The following CLCNKA variants were observed in gnomAD, a reference collection of about 807,000 sequenced individuals.
CLCNKA encodes the protein chloride voltage-gated channel Ka, also known as chloride channel protein ClC-Ka.
In CLCNKA, 66 loss-of-function variants were observed where a neutral mutation model predicts 83.3. The observed-to-expected ratio is 0.79, with a 90% confidence interval of 0.65 to 0.97. The LOEUF is 0.97. Among genes scored for constraint, CLCNKA ranks in the 50% least tolerant of loss-of-function variants. CLCNKA has a pLI of 0.00. For missense variants in CLCNKA, 806 were observed against 888.7 expected (o/e 0.91, Z 1.18); for synonymous variants, 357 against 370.4 (o/e 0.96, Z 0.42).
rs1442785412 is a variant in CLCNKA at position 16,033,190 on chromosome 1, G to A, written c.1950G>A (p.Leu650=). The A allele has an allele frequency of 6.2e-7, 1 of 1,614,176 alleles. No homozygotes were observed. The change falls in exon 19 of 20, where the codon CTG becomes CTA. Residue 650 remains leucine (L), a synonymous_variant. Transcript: ENST00000331433. ...TLHQAQNLFK[L]LNLQSLFVTS... ...TCCAGGCACAAAACCTCTTTAAGCT[G>A]TTGAACCTTCAGTCCCTCTTCGTGA...
chr1:16,023,712 C>A, intron 2 of CLCNKA, 88 bp from the exon 3 acceptor site: 1 of 1,542,398 alleles, frequency 6.5e-7, no homozygotes, highest in Non-Finnish European at 8.9e-7. Flanking sequence ...CAGGGTCCTC[C>A]CTGCCTGGAG....
chr1:16,022,936 G>C (rs1238612079), intron 2 of CLCNKA, among the ~76,000 whole-genome samples: 1 of 152,262 alleles, frequency 6.6e-6, no homozygotes, highest in Non-Finnish European at 1.5e-5. Context: ...CCTTTCAGGA[G>C]ATACAGCCCA....
rs753713670 is a variant in CLCNKA, at chr1:16,033,212, G to A, written c.1972G>A (p.Val658Met). The A allele has an allele frequency of 6.2e-6, 10 of 1,614,138 alleles. No homozygotes were observed. The highest frequency in any genetic ancestry group is 1.7e-5 in the Admixed American group (1 of 60,020). ...FKLLNLQSLF[V>M]TSRGRAVGCV... Reference sequence around the variant, plus strand: ...GCTGTTGAACCTTCAGTCCCTCTTCGTGACATCGCGGGGCAGAGCTGTGGG... The same window carrying A: ...GCTGTTGAACCTTCAGTCCCTCTTCATGACATCGCGGGGCAGAGCTGTGGG... Residue 658 changes from valine to methionine, a missense_variant, in exon 19 of 20, where the codon GTG becomes ATG. By Grantham distance (21) the Val-to-Met change is conservative. Transcript: ENST00000331433.
In CLCNKA at chr1:16,028,760, G is replaced by A; in HGVS notation, c.969-1G>A. ...CCCTAGAGCTCACCCACCCCCCACA[G>A]CAAGCCTGTGTACTCCGCTCTGGCC... is the stretch of plus-strand genomic sequence containing the variant. On this transcript the variant is annotated splice_acceptor_variant, in intron 10 of 19. Coordinates refer to ENST00000331433, the MANE Select transcript of CLCNKA (RefSeq NM_004070.4). LOFTEE classifies it high-confidence loss of function. 3.1e-6 allele frequency: 5 copies of A among 1,614,110 alleles called. No homozygotes were observed. Among genetic ancestry groups the A allele is most frequent in the Non-Finnish European group, 3.4e-6 (4 of 1,180,012 alleles).
At chr1:16,022,743 AC>A in intron 2 of CLCNKA, 24 bp downstream of exon 2, 1 of 1,465,618 alleles carries the variant, frequency 6.8e-7, no homozygotes, top group Non-Finnish European at 9.2e-7. Context: ...CCTCTTCCCT[AC>A]CCGCGGGGGA....
At position 16,026,761 on chromosome 1, in the gene CLCNKA, C is replaced by G. The variant is rs753955664; in HGVS notation, c.641C>G (p.Ala214Gly). The change falls in exon 7 of 20, where the codon GCA (alanine) becomes GGA (glycine). Residue 214 changes from alanine (A) to glycine (G), a missense_variant. Coordinates refer to ENST00000331433, the MANE Select transcript of CLCNKA (RefSeq NM_004070.4). ...GCAGTGGGCGTGGCCACAGTCTTTGCAGCTCCCTTCAGCGGTGAGACCCCC... is the reference window on the plus strand; with the variant it reads ...GCAGTGGGCGTGGCCACAGTCTTTGGAGCTCCCTTCAGCGGTGAGACCCCC... ...AAAVGVATVFAAPFSGVLFSI... is the reference protein window; with the variant it reads ...AAAVGVATVFGAPFSGVLFSI... The G allele has an allele frequency of 5.5e-5, 89 of 1,613,534 alleles. No individual in the cohort carries two copies. The highest frequency in any genetic ancestry group is 1.8e-4 in the East Asian group (8 of 44,850).
chr1:16,031,747 A>G lies in CLCNKA; in HGVS notation c.1660A>G (p.Ser554Gly), dbSNP rs755558368. Residue 554 changes from serine to glycine, a missense_variant, in exon 16 of 20, where the codon AGC (serine) becomes GGC (glycine). By Grantham distance (56) the Ser-to-Gly change is moderately conservative (BLOSUM62 0). Coordinates refer to ENST00000331433, the MANE Select transcript of CLCNKA (RefSeq NM_004070.4). ...GAGGGTGGAGCACTTCATGAACCAC[A>G]GCATCACCACACTGGCCAAGGACAC... ...HVRVEHFMNHSITTLAKDTPL... is the reference protein window; with the variant it reads ...HVRVEHFMNHGITTLAKDTPL... 1 of 1,613,958 alleles carries G rather than the reference A, an allele frequency of 6.2e-7. No individual in the cohort carries two copies.
Position 16,026,624 on chromosome 1 carries a change from C to T in CLCNKA, c.576+11C>T, listed in dbSNP as rs779150006. 3.7e-6 allele frequency: 6 copies of T among 1,613,890 alleles called. No homozygotes were observed. Among genetic ancestry groups the T allele is most frequent in the Non-Finnish European group, 4.2e-6 (5 of 1,179,976 alleles). Reference sequence around the variant, plus strand: ...ATCGGGGAGCCTGAGGTTAGGGACTCGGGGGCTTCCTTGGAGAAATGGGAG... The same window carrying T: ...ATCGGGGAGCCTGAGGTTAGGGACTTGGGGGCTTCCTTGGAGAAATGGGAG... On this transcript the variant is annotated intron_variant, in intron 6 of 19. Coordinates refer to ENST00000331433, the MANE Select transcript of CLCNKA (RefSeq NM_004070.4).
At chr1:16,033,117 G>T in intron 18 of CLCNKA, 53 bp from the exon 19 acceptor site, 1 of 1,579,342 alleles carries the variant, frequency 6.3e-7, no homozygotes, top group Non-Finnish European at 8.7e-7. Flanking sequence ...TGGGCCAGAG[G>T]GTGGGCTGGG....
At chr1:16,033,061 A>G (rs1557458154) in intron 18 of CLCNKA, 109 bp from the exon 19 acceptor site, 4 of 1,167,034 alleles carry the variant, frequency 3.4e-6, no homozygotes, top group East Asian at 2.4e-5. Context: ...TGCCTCCCAC[A>G]CATATCAGGC....
chr1:16,030,747 T>A (rs763563344), intron 15 of CLCNKA, 73 bp downstream of exon 15: 20 of 1,592,954 alleles, frequency 1.3e-5, no homozygotes, highest in Admixed American at 3.4e-5. Flanking sequence ...GGAGGGCACC[T>A]CCAAAAAGAA....
At chr1:16,033,092 A>T in intron 18 of CLCNKA, 78 bp from the exon 19 acceptor site, 2 of 1,454,860 alleles carry the variant, frequency 1.4e-6, no homozygotes, top group Non-Finnish European at 9.7e-7. Context: ...TTCCTGGCTC[A>T]GAGGCGTGGC....
rs1203016156 is a variant in CLCNKA at position 16,031,827 on chromosome 1, C to T, written c.1740C>T (p.Pro580=). Residue 580 remains proline, a synonymous_variant, in exon 16 of 20, where the codon CCC becomes CCT. Transcript: ENST00000331433. ...VVTSTDVTEY[P]LVESTESQIL... Reference sequence around the variant, plus strand: ...CCTCCACAGACGTGACCGAGTATCCCCTGGTGGAGAGCACAGGTGCCCAGC... The same window carrying T: ...CCTCCACAGACGTGACCGAGTATCCTCTGGTGGAGAGCACAGGTGCCCAGC... 2.5e-6 allele frequency: 4 copies of T among 1,613,742 alleles called. No individual in the cohort carries two copies. Among genetic ancestry groups the T allele is most frequent in the African/African-American group, 2.7e-5 (2 of 74,910 alleles).
chr1:16,030,779 G>A (rs1316098084), intron 15 of CLCNKA, 105 bp downstream of exon 15: 29 of 1,457,140 alleles, frequency 2.0e-5, no homozygotes, highest in East Asian at 1.4e-4. Flanking sequence ...GCTGACCTCC[G>A]ACATGGGGGC....
In CLCNKA at chr1:16,029,515, G is replaced by A. The variant is rs57862745; in HGVS notation, c.1227+216G>A. On this transcript the variant is annotated intron_variant, in intron 12 of 19. Coordinates refer to ENST00000331433, the MANE Select transcript of CLCNKA (RefSeq NM_004070.4). Reference sequence around the variant, plus strand: ...AAATGGGGTGGTTACTGGGAAGGCAGAGAAGGAAGAAAGGAATGTACCTGG... The same window carrying A: ...AAATGGGGTGGTTACTGGGAAGGCAAAGAAGGAAGAAAGGAATGTACCTGG... Among the ~76,000 whole-genome samples, 1,018 of 152,312 alleles carry A rather than the reference G, an allele frequency of 6.7e-3. 20 individuals are homozygous for A. The highest frequency in any genetic ancestry group is 0.023 in the African/African-American group (961 of 41,554).
At chr1:16,032,563 C>G in intron 18 of CLCNKA, 37 bp downstream of exon 18, 3 of 1,489,578 alleles carry the variant, frequency 2.0e-6, no homozygotes, top group Non-Finnish European at 2.8e-6. Flanking sequence ...ACGCAGCCCC[C>G]GGGGCAGGGC....
intron 17 of CLCNKA, 69 bp from the exon 18 acceptor site, chr1:16,032,374 G>A: frequency 2.6e-6 from 4 of 1,553,332 alleles, no homozygotes; most frequent in South Asian, 2.2e-5. Context: ...ATCTCCTGAG[G>A]GAGAGGTGGT....
rs1027867484 is a variant in CLCNKA, at chr1:16,026,965, G to C, written c.655+190G>C. ...GGGCGGGTGGTTGGGGGCGTGGTTG[G>C]GCGGTGCTGAGAGGCTTCAGGATAA... On this transcript the variant is annotated intron_variant, in intron 7 of 19. Coordinates refer to ENST00000331433, the MANE Select transcript of CLCNKA (RefSeq NM_004070.4). 1.6e-5 allele frequency: 12 copies of C among 748,020 alleles called. No individual in the cohort carries two copies. The African/African-American group carries it at 2.1e-4, about 13-fold the overall frequency. 46.3% of individuals were successfully genotyped at this position (748,020 alleles called of 1,614,324 possible).
chr1:16,032,769 A>T (rs1254096499), intron 18 of CLCNKA, among the ~76,000 whole-genome samples: 1 of 152,228 alleles, frequency 6.6e-6, no homozygotes, highest in Admixed American at 6.5e-5. Context: ...GTGGAGAAAG[A>T]CAGTGGAGTT....
Sources: gnomAD v4.1 joint callset for allele counts (sites outside exome capture counted in the v4.1 genomes callset) on GRCh38, gnomAD v4.1.1 for gene constraint, MANE v1.5 for transcripts, NCBI Gene and HGNC (gene_info 2026-07-23, HGNC 2026-07-21) for gene names.